Variants in TGFBR1 observed in about 807,000 individuals in gnomAD.
The protein encoded by TGFBR1 is TGF-beta receptor type-1.
A neutral mutation model predicts 55.1 loss-of-function variants in TGFBR1; 20 were observed. The ratio of observed to expected loss-of-function variants is 0.36; its 90% CI spans 0.26 to 0.53. TGFBR1 has a LOEUF of 0.53. Ranked by LOEUF, TGFBR1 falls within the 20% of genes least tolerant of loss-of-function variation. TGFBR1 has a pLI of 0.91. For missense variants in TGFBR1, 385 were observed against 617.6 expected, an observed-to-expected ratio of 0.62 and a Z score of 3.99; for synonymous variants, 220 against 214.8, an observed-to-expected ratio of 1.02 and a Z score of -0.21.
chr9:99,103,912 T>G (rs1251475770), upstream of TGFBR1: 1 of 152,232 alleles, frequency 6.6e-6, no homozygotes, highest in Non-Finnish European at 1.5e-5. Flanking sequence ...ACCATTCTGA[T>G]TCCTGCTATC....
chr9:99,122,808 G>C (rs142376487), intron 1 of TGFBR1, among the ~76,000 whole-genome samples: 10 of 152,234 alleles, frequency 6.6e-5, no homozygotes, highest in African/African-American at 2.4e-4. Context: ...ATAGTTGCAA[G>C]GGAGCTATCA....
At chr9:99,130,989 T>A (rs1827205845) in intron 2 of TGFBR1, among the ~76,000 whole-genome samples, 1 of 152,184 alleles carries the variant, frequency 6.6e-6, no homozygotes, top group African/African-American at 2.4e-5. Context: ...AAAAGACAGT[T>A]GGTGAGCATA....
chr9:99,146,493 C>A lies in TGFBR1; in HGVS notation c.1139C>A (p.Ala380Asp). Residue 380 changes from alanine to aspartate, a missense_variant, in exon 7 of 9, where the codon GCC (alanine) becomes GAC (aspartate). Physicochemically the swap from Ala to Asp is moderately radical, Grantham distance 126. Around this residue, in one of 5 missense-constraint regions of TGFBR1, gnomAD observed 110 missense variants for 154.6 expected, o/e 0.71. Coordinates refer to ENST00000374994, the MANE Select transcript of TGFBR1 (RefSeq NM_004612.4). ...NHRVGTKRYM[A>D]PEVLDDSINM... ...TTGCAAATTTTTTTTAGGTACATGG[C>A]CCCTGAAGTTCTCGATGATTCCATA... 1 of 1,613,716 alleles carries A rather than the reference C, an allele frequency of 6.2e-7. No individual in the cohort carries two copies. The highest frequency in any genetic ancestry group is 1.3e-5 in the African/African-American group (1 of 74,948).
In TGFBR1 at chr9:99,111,295, C is replaced by CTTTTTTTTTTT. The variant is rs3034196; in HGVS notation, c.97+6013_97+6023dup. On this transcript the variant is annotated intron_variant, in intron 1 of 8. Transcript: ENST00000374994. Reference sequence around the variant, plus strand: ...ACATTTGGCATATCCTGCACCCATGCTTTTTTTTTTTTTTTTTTTTTTTTT... The same window carrying CTTTTTTTTTTT: ...ACATTTGGCATATCCTGCACCCATGCTTTTTTTTTTTTTTTTTTTTTTTTTTTTTTTTTTTT... 1.8e-4 allele frequency among the ~76,000 whole-genome samples: 10 copies of CTTTTTTTTTTT among 55,152 alleles called. 3 individuals are homozygous for CTTTTTTTTTTT. The highest frequency in any genetic ancestry group is 7.7e-4 in the African/African-American group (10 of 13,042). The allele number at this position is 55,152 out of a possible 152,430, so 36.2% of individuals were successfully genotyped here. A position where few individuals can be genotyped will look rare whatever the true frequency, so the allele number is the denominator to read the frequency against.
chr9:99,138,822 G>A (rs1447712320), intron 4 of TGFBR1, among the ~76,000 whole-genome samples: 1 of 150,558 alleles, frequency 6.6e-6, no homozygotes, highest in African/African-American at 2.4e-5. Context: ...TTTTTGAGAT[G>A]GAATCTCGCT....
At chr9:99,126,322 T>C (rs1827041894) in intron 1 of TGFBR1, among the ~76,000 whole-genome samples, 1 of 152,198 alleles carries the variant, frequency 6.6e-6, no homozygotes, top group Non-Finnish European at 1.5e-5. Context: ...GCCATGGTGA[T>C]CTGAGAACTG....
rs113605875 is a variant in TGFBR1, at chr9:99,149,253, G to A, written c.1460G>A (p.Arg487Gln). 1 of 1,613,608 alleles carries A rather than the reference G, an allele frequency of 6.2e-7. No individual in the cohort carries two copies. The highest frequency in any genetic ancestry group is 8.5e-7 in the Non-Finnish European group (1 of 1,179,844). ...GGAGCAGCTAGGCTTACAGCATTGC[G>A]GATTAAGAAAACATTATCGCAACTC... ...ANGAARLTAL[R>Q]IKKTLSQLSQ... Residue 487 changes from arginine (R) to glutamine (Q), a missense_variant, in exon 9 of 9, where the codon CGG (arginine) becomes CAG (glutamine). Arg to Gln is a conservative substitution (Grantham distance 43). Transcript: ENST00000374994.
chr9:99,146,769 G>A (rs1395077191), intron 7 of TGFBR1, among the ~76,000 whole-genome samples, 160 bp downstream of exon 7: 1 of 152,206 alleles, frequency 6.6e-6, no homozygotes, highest in Non-Finnish European at 1.5e-5. Flanking sequence ...TTTGGGAGGG[G>A]ACAGTGCCAT....
At chr9:99,144,596 G>T in intron 5 of TGFBR1, 136 bp from the exon 6 acceptor site, 1 of 893,472 alleles carries the variant, frequency 1.1e-6, no homozygotes, top group Non-Finnish European at 1.8e-6. Context: ...GTTTAATAAT[G>T]CCGTAAGTAT....
Position 99,150,401 on chromosome 9 carries a change from GT to G in TGFBR1, c.*1098del, listed in dbSNP as rs1380996905. On this transcript the variant is annotated 3_prime_UTR_variant, in exon 9 of 9. Transcript: ENST00000374994. ...CTGTAAGCCATTTTTTTCTTTATCT[GT>G]TCAAAGACTTATTTTTTAAGACATG... 1 of 209,910 alleles carries G rather than the reference GT, an allele frequency of 4.8e-6. No individual in the cohort carries two copies. Among genetic ancestry groups the G allele is most frequent in the Non-Finnish European group, 9.7e-6 (1 of 103,144 alleles). The allele number at this position is 209,910 out of a possible 1,614,324, so 13.0% of individuals were successfully genotyped here.
intron 2 of TGFBR1, among the ~76,000 whole-genome samples, chr9:99,129,865 C>T (rs1289798830): frequency 6.6e-6 from 1 of 151,888 alleles, no homozygotes; most frequent in Non-Finnish European, 1.5e-5. Flanking sequence ...TGCCACTGCA[C>T]TCCAGCCTGG....
intron 2 of TGFBR1, among the ~76,000 whole-genome samples, chr9:99,130,612 T>A (rs1337824468): frequency 3.3e-5 from 5 of 152,248 alleles, no homozygotes; most frequent in African/African-American, 4.8e-5. Flanking sequence ...TCACCTTATT[T>A]CTCATGTTTC....
At chr9:99,130,718 G>A (rs947839279) in intron 2 of TGFBR1, among the ~76,000 whole-genome samples, 1 of 152,166 alleles carries the variant, frequency 6.6e-6, no homozygotes, top group African/African-American at 2.4e-5. Context: ...GAAGTAGTCT[G>A]AACTAGATAG....
intron 2 of TGFBR1, among the ~76,000 whole-genome samples, chr9:99,130,950 G>C (rs1827204597): frequency 6.6e-6 from 1 of 152,148 alleles, no homozygotes; most frequent in Non-Finnish European, 1.5e-5. Context: ...TTTGGGACAA[G>C]TTTTAAGAAA....
At chr9:99,110,262 T>C in intron 1 of TGFBR1, among the ~76,000 whole-genome samples, 1 of 152,226 alleles carries the variant, frequency 6.6e-6, no homozygotes, top group Non-Finnish European at 1.5e-5. Context: ...TTGCAAAGTA[T>C]ACACACAGGT....
intron 3 of TGFBR1, 117 bp downstream of exon 3, chr9:99,132,856 G>A (rs1827288406): frequency 7.9e-6 from 11 of 1,385,010 alleles, no homozygotes; most frequent in Non-Finnish European, 1.1e-5. Flanking sequence ...AAATAATATT[G>A]CAGGTTTGAA....
intron 7 of TGFBR1, 125 bp from the exon 8 acceptor site, chr9:99,147,528 TA>T: frequency 1.1e-6 from 1 of 878,676 alleles, no homozygotes; most frequent in Non-Finnish European, 1.8e-6. Context: ...GAGAAAGCTG[TA>T]ATCTCTGTTC....
chr9:99,104,768 A>C (rs1826348111), upstream of TGFBR1, among the ~76,000 whole-genome samples: 1 of 152,062 alleles, frequency 6.6e-6, no homozygotes, highest in Admixed American at 6.5e-5. Flanking sequence ...CCTTTTTCCG[A>C]AAGAGACTCA....
chr9:99,119,246 A>G (rs1489369941), intron 1 of TGFBR1, among the ~76,000 whole-genome samples: 1 of 152,168 alleles, frequency 6.6e-6, no homozygotes, highest in Non-Finnish European at 1.5e-5. Context: ...GGCAGCTGGG[A>G]GTGGTTACCA....
Sources: allele counts gnomAD v4.1 joint callset (sites outside exome capture counted in the v4.1 genomes callset), GRCh38; gene constraint gnomAD v4.1.1; regional missense constraint gnomAD v4.1.1; transcripts MANE v1.5; gene names NCBI Gene and HGNC (gene_info 2026-07-23, HGNC 2026-07-21).